Variants in MSRB2 observed in about 807,000 individuals in gnomAD.
MSRB2 encodes methionine sulfoxide reductase B2.
Under a neutral mutation model 19.0 loss-of-function variants are expected in MSRB2, and 17 were observed. The ratio of observed to expected loss-of-function variants is 0.89; its 90% confidence interval spans 0.61 to 1.34. The LOEUF is 1.34. Among genes scored for constraint, MSRB2 ranks in the 40% most tolerant of loss-of-function variants. The probability of loss-of-function intolerance (pLI) is 0.00; values close to 1 mark genes in which losing one functional copy is unlikely to be tolerated. For missense variants in MSRB2, 208 were observed against 237.6 expected, an observed-to-expected ratio of 0.88 and a Z score of 0.82; for synonymous variants, 107 against 99.7, an observed-to-expected ratio of 1.07 and a Z score of -0.44.
intron 3 of MSRB2, among the ~76,000 whole-genome samples, chr10:23,116,267 T>C (rs1048931602): frequency 1.3e-5 from 2 of 152,096 alleles, no homozygotes; most frequent in Admixed American, 1.3e-4. Flanking sequence ...TTCTAAAGGG[T>C]TACAGCCTTC....
At chr10:23,104,866 C>G (rs1023659912) in intron 2 of MSRB2, among the ~76,000 whole-genome samples, 4 of 152,154 alleles carry the variant, frequency 2.6e-5, no homozygotes, top group African/African-American at 7.2e-5. Context: ...CACTCTCCAC[C>G]CATTCATTCA....
intron 3 of MSRB2, among the ~76,000 whole-genome samples, chr10:23,114,194 A>G (rs367647167): frequency 6.6e-6 from 1 of 152,038 alleles, no homozygotes; most frequent in East Asian, 1.9e-4. Context: ...TACTAAAAAT[A>G]CAAAAACTAG....
Position 23,095,709 on chromosome 10 carries a change from C to G in MSRB2, c.101C>G (p.Pro34Arg), listed in dbSNP as rs747733953. The G allele has an allele frequency of 1.5e-6, 2 of 1,292,434 alleles. No individual in the cohort carries two copies. The highest frequency in any genetic ancestry group is 6.3e-5 in the East Asian group (2 of 31,508). The allele number at this position is 1,292,434 out of a possible 1,614,324, so 80.1% of individuals were successfully genotyped here. Residue 34 changes from proline to arginine, a missense_variant, in exon 1 of 5, where the codon CCG becomes CGG. Pro to Arg is a moderately radical substitution (Grantham distance 103). Coordinates refer to ENST00000376510, the MANE Select transcript of MSRB2 (RefSeq NM_012228.4). ...GGCGGCGGCGGGCCCGGCACCGGGC[C>G]GGGACTGGGGGAGGCAGGTAGGACG... The part of the protein sequence containing the change: ...QAGGGGPGTG[P>R]GLGEAGSLAT...
intron 1 of MSRB2, among the ~76,000 whole-genome samples, chr10:23,103,171 G>A (rs1839943797): frequency 6.6e-6 from 1 of 152,186 alleles, no homozygotes; most frequent in African/African-American, 2.4e-5. Context: ...ATAAACTGGA[G>A]AGGAGATAAG....
chr10:23,099,261 A>G (rs1335766306), intron 1 of MSRB2, among the ~76,000 whole-genome samples: 3 of 152,206 alleles, frequency 2.0e-5, no homozygotes, highest in Admixed American at 1.3e-4. Flanking sequence ...ACCTGGGTGT[A>G]CCCAACTGAG....
At chr10:23,112,375 T>C (rs563573256) in intron 3 of MSRB2, among the ~76,000 whole-genome samples, 2 of 152,334 alleles carry the variant, frequency 1.3e-5, no homozygotes, top group African/African-American at 4.8e-5. Flanking sequence ...AAGGTGTATA[T>C]CCTGGCTCCA....
At chr10:23,103,497 A>C (rs1839947513) in intron 1 of MSRB2, among the ~76,000 whole-genome samples, 1 of 152,218 alleles carries the variant, frequency 6.6e-6, no homozygotes, top group Non-Finnish European at 1.5e-5. Flanking sequence ...TCACGTGAAT[A>C]AATGTAGTAA....
intron 1 of MSRB2, among the ~76,000 whole-genome samples, chr10:23,096,462 C>T (rs1311664969): frequency 6.6e-6 from 1 of 151,920 alleles, no homozygotes; most frequent in Non-Finnish European, 1.5e-5. Flanking sequence ...AGACCTGTGC[C>T]AGCTACCCCT....
chr10:23,105,402 C>A (rs115684860), intron 2 of MSRB2, among the ~76,000 whole-genome samples: 130 of 152,256 alleles, frequency 8.5e-4, no homozygotes, highest in African/African-American at 3.1e-3. Context: ...TTCCTTTTCT[C>A]TTACTGTATG....
intron 3 of MSRB2, among the ~76,000 whole-genome samples, chr10:23,112,356 A>G (rs1420484404): frequency 6.6e-6 from 1 of 152,230 alleles, no homozygotes; most frequent in Non-Finnish European, 1.5e-5. Context: ...TAGAATGGTT[A>G]AGATTGCCAA....
chr10:23,102,500 A>AT lies in MSRB2; in HGVS notation c.119-1638dup, dbSNP rs561805675. 1.2e-3 allele frequency among the ~76,000 whole-genome samples: 179 copies of AT among 151,748 alleles called. 1 individual carries two copies. The highest frequency in any genetic ancestry group is 4.1e-3 in the African/African-American group (169 of 41,348). On this transcript the variant is annotated intron_variant, in intron 1 of 4. Transcript: ENST00000376510. ...ATTTCCCTCAATTTTCACTTATGTGATTTTTTCTTCATGAGACACTGATTG... is the reference window on the plus strand; with the variant it reads ...ATTTCCCTCAATTTTCACTTATGTGATTTTTTTCTTCATGAGACACTGATTG...
chr10:23,095,819 G>A, intron 1 of MSRB2, 93 bp downstream of exon 1: 3 of 875,062 alleles, frequency 3.4e-6, no homozygotes, highest in Non-Finnish European at 4.5e-6. Context: ...GGTCCAGGCC[G>A]GGCGCTGCCC....
rs1325597276 is a variant in MSRB2, at chr10:23,119,585, TTTTGTTTTGC to T, written c.444+144_444+153del. 4.4e-6 allele frequency: 5 copies of T among 1,131,942 alleles called. No homozygotes were observed. The African/African-American group carries it at 4.7e-5, about 11-fold the overall frequency. 70.1% of individuals were successfully genotyped at this position (1,131,942 alleles called of 1,614,324 possible). A position where few individuals can be genotyped will look rare whatever the true frequency, so the allele number is the denominator to read the frequency against. ...GTCTTCAGAACACATGGGGTTTCTTTTTTGTTTTGCTTTGTTTTGTTTTGTTTTGTTTTGT... is the reference window on the plus strand; with the variant it reads ...GTCTTCAGAACACATGGGGTTTCTTTTTTGTTTTGTTTTGTTTTGTTTTGT... On this transcript the variant is annotated intron_variant, in intron 4 of 4. Coordinates refer to ENST00000376510, the MANE Select transcript of MSRB2 (RefSeq NM_012228.4).
At chr10:23,111,103 A>T (rs964037512) in intron 3 of MSRB2, among the ~76,000 whole-genome samples, 2 of 152,106 alleles carry the variant, frequency 1.3e-5, no homozygotes, top group African/African-American at 4.8e-5. Flanking sequence ...CTGGGCTTTG[A>T]GCAGTCTGGG....
intron 4 of MSRB2, 100 bp from the exon 5 acceptor site, chr10:23,120,658 G>C: frequency 1.3e-6 from 1 of 748,182 alleles, no homozygotes; most frequent in East Asian, 2.7e-5. Flanking sequence ...ACAGATGTCA[G>C]ACTCCGGAGT....
At chr10:23,112,326 C>A (rs147095151) in intron 3 of MSRB2, among the ~76,000 whole-genome samples, 1 of 152,294 alleles carries the variant, frequency 6.6e-6, no homozygotes, top group Non-Finnish European at 1.5e-5. Context: ...TAAAGATGCA[C>A]TCATTTATGG....
intron 1 of MSRB2, among the ~76,000 whole-genome samples, chr10:23,096,045 G>A (rs914062811): frequency 2.6e-5 from 4 of 152,032 alleles, no homozygotes; most frequent in African/African-American, 9.7e-5. Flanking sequence ...ACCCCTATCG[G>A]GGACTCCAGG....
chr10:23,118,178 A>C (rs961345536), intron 3 of MSRB2, among the ~76,000 whole-genome samples: 6 of 152,164 alleles, frequency 3.9e-5, no homozygotes, highest in Admixed American at 2.6e-4. Context: ...TTTTGGGGAC[A>C]CAGAGGGGAC....
At chr10:23,105,204 C>CTGTGTGTG (rs369455463) in intron 2 of MSRB2, among the ~76,000 whole-genome samples, 1 of 130,278 alleles carries the variant, frequency 7.7e-6, no homozygotes, top group African/African-American at 3.1e-5. Flanking sequence ...CTCTCTCTCT[C>CTGTGTGTG]TGTGTGTCTG....
Sources: allele counts gnomAD v4.1 joint callset (sites outside exome capture counted in the v4.1 genomes callset), GRCh38; gene constraint gnomAD v4.1.1; transcripts MANE v1.5; gene names NCBI Gene and HGNC (gene_info 2026-07-23, HGNC 2026-07-21).